LRRC37A2: variants seen among roughly 807,000 people sequenced by gnomAD.
LRRC37A2 encodes leucine rich repeat containing 37 member A2.
In LRRC37A2, 9 loss-of-function variants were observed where a neutral mutation model predicts 68.8. That is an observed-to-expected ratio of 0.13 (90% CI 0.08 to 0.23). LRRC37A2 has a LOEUF of 0.23. Among genes scored for constraint, LRRC37A2 ranks in the 10% least tolerant of loss-of-function variants. LRRC37A2 has a pLI of 1.00. For synonymous variants in LRRC37A2, 63 were observed against 367.6 expected (o/e 0.17, Z 9.48); for missense variants, 168 against 950.4 (o/e 0.18, Z 10.82).
chr17:46,492,166 T>C, the LRRC37A2 span, among the ~76,000 whole-genome samples: 3 of 151,624 alleles, frequency 2.0e-5, no homozygotes, highest in East Asian at 1.9e-4. Context: ...GGTTTCACCA[T>C]GTTGGCCAGG....
chr17:46,920,308 G>A, the LRRC37A2 span, among the ~76,000 whole-genome samples: 5 of 152,112 alleles, frequency 3.3e-5, no homozygotes, highest in Non-Finnish European at 7.4e-5. Context: ...TAGCTTGAGG[G>A]TATGATTAGT....
At chr17:46,850,942 C>A in the LRRC37A2 span, among the ~76,000 whole-genome samples, 1 of 152,228 alleles carries the variant, frequency 6.6e-6, no homozygotes, top group African/African-American at 2.4e-5. Flanking sequence ...CGCTGCGCGC[C>A]TCGCCGGTAA....
At chr17:46,847,153 CT>C in the LRRC37A2 span, among the ~76,000 whole-genome samples, 1 of 152,254 alleles carries the variant, frequency 6.6e-6, no homozygotes, top group South Asian at 2.1e-4. Context: ...AAGGCAGCCC[CT>C]ATTAACATTT....
chr17:46,899,298 G>C, the LRRC37A2 span, among the ~76,000 whole-genome samples: 1 of 152,116 alleles, frequency 6.6e-6, no homozygotes, highest in East Asian at 1.9e-4. Context: ...CAGATACTTA[G>C]GAGGCTGAGG....
the LRRC37A2 span, among the ~76,000 whole-genome samples, chr17:46,612,130 C>G: frequency 1.4e-5 from 1 of 70,036 alleles, no homozygotes; most frequent in South Asian, 5.1e-4. Context: ...ATGACAAGAT[C>G]TTCAACATCA....
the LRRC37A2 span, among the ~76,000 whole-genome samples, chr17:47,027,186 A>G: frequency 6.6e-6 from 1 of 152,156 alleles, no homozygotes; most frequent in Non-Finnish European, 1.5e-5. Context: ...GCTGGATTAC[A>G]GGACTGAGCC....
the LRRC37A2 span, among the ~76,000 whole-genome samples, chr17:46,735,773 G>C: frequency 1.3e-5 from 2 of 152,070 alleles, no homozygotes; most frequent in Admixed American, 1.3e-4. Context: ...AGTGAAACCC[G>C]ATCTCTACTA....
At chr17:46,970,717 T>A in the LRRC37A2 span, among the ~76,000 whole-genome samples, 2 of 152,154 alleles carry the variant, frequency 1.3e-5, no homozygotes, top group Admixed American at 6.5e-5. Flanking sequence ...GAAACAGCAT[T>A]ATGCCCCATA....
chr17:47,006,182 T>A, the LRRC37A2 span, among the ~76,000 whole-genome samples: 270 of 151,564 alleles, frequency 1.8e-3, 2 homozygotes, highest in Admixed American at 0.016. Flanking sequence ...GAAAAAAAAT[T>A]TTTTTTTCCC....
the LRRC37A2 span, among the ~76,000 whole-genome samples, chr17:46,774,508 C>T: frequency 6.6e-6 from 1 of 152,254 alleles, no homozygotes; most frequent in Non-Finnish European, 1.5e-5. Context: ...ACCATCTTTC[C>T]AGTTTCCTAG....
the LRRC37A2 span, among the ~76,000 whole-genome samples, chr17:46,804,496 A>T: frequency 6.6e-6 from 1 of 152,050 alleles, no homozygotes; most frequent in South Asian, 2.1e-4. Context: ...GTGCTGTAAG[A>T]CACCAGACGG....
chr17:46,922,312 A>G, the LRRC37A2 span, among the ~76,000 whole-genome samples: 1 of 152,036 alleles, frequency 6.6e-6, no homozygotes, highest in Non-Finnish European at 1.5e-5. Context: ...GAAGGGGGAC[A>G]TCACACTTCG....
the LRRC37A2 span, among the ~76,000 whole-genome samples, chr17:46,997,962 C>T: frequency 2.7e-5 from 3 of 113,144 alleles, no homozygotes; most frequent in Middle Eastern, 4.6e-3. Flanking sequence ...AAGAGTGAAA[C>T]TCCATCTGAA....
chr17:46,839,664 CA>C, the LRRC37A2 span, among the ~76,000 whole-genome samples: 1 of 152,156 alleles, frequency 6.6e-6, no homozygotes, highest in African/African-American at 2.4e-5. Flanking sequence ...GCATTTCTCC[CA>C]ATGCTCTCCC....
At chr17:46,959,120 T>A in the LRRC37A2 span, among the ~76,000 whole-genome samples, 1 of 152,134 alleles carries the variant, frequency 6.6e-6, no homozygotes, top group African/African-American at 2.4e-5. Context: ...GAATCTAGAA[T>A]GTGGCTAGGC....
the LRRC37A2 span, chr17:46,935,120 A>T: frequency 6.2e-7 from 1 of 1,614,018 alleles, no homozygotes; most frequent in Non-Finnish European, 8.5e-7. Flanking sequence ...CTCATTTTAG[A>T]TGGGCACAAT....
chr17:46,772,516 G>A, the LRRC37A2 span, among the ~76,000 whole-genome samples: 3 of 152,234 alleles, frequency 2.0e-5, no homozygotes, highest in Non-Finnish European at 2.9e-5. Flanking sequence ...CCAACACACC[G>A]ACAAGAACGA....
the LRRC37A2 span, chr17:46,755,232 C>T: frequency 1.3e-3 from 1,342 of 1,044,596 alleles, 12 homozygotes; most frequent in African/African-American, 0.018. Flanking sequence ...AGTGTGAAAC[C>T]GAACACTGCC....
At chr17:46,721,870 T>A in the LRRC37A2 span, 2 of 1,587,206 alleles carry the variant, frequency 1.3e-6, no homozygotes, top group African/African-American at 2.7e-5. Context: ...TAGGCAGAAT[T>A]CTCCTCTGAG....
Sources: gnomAD v4.1 joint callset for allele counts (sites outside exome capture counted in the v4.1 genomes callset) on GRCh38, gnomAD v4.1.1 for gene constraint, MANE v1.5 for transcripts, NCBI Gene and HGNC (gene_info 2026-07-23, HGNC 2026-07-21) for gene names.